The following IGF1R variants were observed in gnomAD, a reference collection of about 807,000 sequenced individuals.
IGF1R encodes the protein insulin like growth factor 1 receptor, also known as insulin-like growth factor 1 receptor.
Under a neutral mutation model 144.6 loss-of-function variants are expected in IGF1R, and 44 were observed. The ratio of observed to expected loss-of-function variants is 0.30; its 90% CI spans 0.24 to 0.39. The LOEUF (loss-of-function observed/expected upper bound fraction) is 0.39. IGF1R is among the 10% of genes least tolerant of loss of function. IGF1R has a pLI of 1.00. For missense variants in IGF1R, 1,355 were observed against 1,833.7 expected (o/e 0.74, Z 4.77); for synonymous variants, 795 against 722.8 (o/e 1.10, Z -1.60).
chr15:98,685,729 C>T (rs1324831118), intron 1 of IGF1R, among the ~76,000 whole-genome samples: 1 of 152,202 alleles, frequency 6.6e-6, no homozygotes, highest in Non-Finnish European at 1.5e-5. Context: ...AGCGTGCTTC[C>T]AGTATTCAGG....
At chr15:98,914,803 C>T (rs371490579) in intron 8 of IGF1R, among the ~76,000 whole-genome samples, 1 of 152,156 alleles carries the variant, frequency 6.6e-6, no homozygotes, top group African/African-American at 2.4e-5. Flanking sequence ...AGAACTTGGT[C>T]CTCTGCCTCT....
At chr15:98,701,497 C>T (rs776103096) in intron 1 of IGF1R, among the ~76,000 whole-genome samples, 17 of 151,960 alleles carry the variant, frequency 1.1e-4, no homozygotes, top group Admixed American at 1.3e-4. Flanking sequence ...CCACCACACC[C>T]GGCTAATTTT....
intron 19 of IGF1R, among the ~76,000 whole-genome samples, chr15:98,945,442 G>A (rs563821951): frequency 6.6e-6 from 1 of 152,272 alleles, no homozygotes; most frequent in South Asian, 2.1e-4. Context: ...CTTCCCCCTG[G>A]GGAAACAACG....
rs368518102 is a variant in IGF1R, at chr15:98,948,671, G to A, written c.3685G>A (p.Gly1229Ser). The change falls in exon 20 of 21, where the codon GGC becomes AGC. Residue 1229 changes from glycine (G) to serine (S), a missense_variant. Gly to Ser is a moderately conservative substitution (Grantham distance 56). This residue lies in a region of IGF1R where 77 missense variants were observed against 163.2 expected (regional missense o/e 0.47). Transcript: ENST00000650285. ...EQVLRFVMEGGLLDKPDNCPD... is the reference protein window; with the variant it reads ...EQVLRFVMEGSLLDKPDNCPD... ...AGTCCTTCGCTTCGTCATGGAGGGCGGCCTTCTGGACAAGCCAGACAACTG... is the reference window on the plus strand; with the variant it reads ...AGTCCTTCGCTTCGTCATGGAGGGCAGCCTTCTGGACAAGCCAGACAACTG... The A allele has an allele frequency of 8.7e-6, 14 of 1,614,036 alleles. 1 individual carries two copies. The highest frequency in any genetic ancestry group is 3.3e-4 in the Middle Eastern group (2 of 6,084).
Position 98,960,153 on chromosome 15 carries a change from C to A in IGF1R, c.*2711C>A. On this transcript the variant is annotated 3_prime_UTR_variant, in exon 21 of 21. Transcript: ENST00000650285. ...GACAATAGGCCGTTGATACTGGTAA[C>A]CTCATCCACGCCACAGGCGCCACAC... The A allele has an allele frequency of 4.3e-6, 1 of 233,738 alleles. No individual in the cohort carries two copies. Among genetic ancestry groups the A allele is most frequent in the Non-Finnish European group, 8.5e-6 (1 of 118,064 alleles). 14.5% of individuals were successfully genotyped at this position (233,738 alleles called of 1,614,324 possible). A position where few individuals can be genotyped will look rare whatever the true frequency, so the allele number is the denominator to read the frequency against.
chr15:98,944,125 G>GT (rs2016465900), intron 19 of IGF1R, among the ~76,000 whole-genome samples: 1 of 152,330 alleles, frequency 6.6e-6, no homozygotes, highest in South Asian at 2.1e-4. Flanking sequence ...GCCTGGGTAT[G>GT]TGCATGCATC....
intron 2 of IGF1R, among the ~76,000 whole-genome samples, chr15:98,834,388 T>A (rs1438676641): frequency 1.3e-5 from 2 of 152,234 alleles, no homozygotes; most frequent in Admixed American, 6.5e-5. Flanking sequence ...CATTAAACAC[T>A]CCAGCTTCAG....
chr15:98,712,532 C>A lies in IGF1R; in HGVS notation c.640+4425C>A, dbSNP rs143718834. ...TCAGCTGTGTTCCTCTGCTCCTCCC[C>A]CTTACAGCAGTGACATAGCCTCTCT... is the stretch of plus-strand genomic sequence containing the variant. On this transcript the variant is annotated intron_variant, in intron 2 of 20. Transcript: ENST00000650285. 1.7e-3 allele frequency among the ~76,000 whole-genome samples: 265 copies of A among 152,236 alleles called. 2 individuals carry two copies. The highest frequency in any genetic ancestry group is 6.0e-3 in the African/African-American group (251 of 41,528).
At position 98,904,048 on chromosome 15, in the gene IGF1R, A is replaced by C. The variant is rs2014607023; in HGVS notation, c.1247+4427A>C. On this transcript the variant is annotated intron_variant, in intron 5 of 20. Coordinates refer to ENST00000650285, the MANE Select transcript of IGF1R (RefSeq NM_000875.5). ...ACGGAAGCTCATGGAATGATGGGTG[A>C]ATTTTTTTTTTTTTTTTTTTTTGAG... is the stretch of plus-strand genomic sequence containing the variant. Among the ~76,000 whole-genome samples the C allele has an allele frequency of 2.5e-5, 3 of 117,754 alleles. No individual in the cohort carries two copies. The South Asian group carries it at 8.2e-4, about 32-fold the overall frequency. The allele number at this position is 117,754 out of a possible 152,430, so 77.3% of individuals were successfully genotyped here.
At chr15:98,870,451 G>T (rs902280966) in intron 2 of IGF1R, among the ~76,000 whole-genome samples, 1 of 152,202 alleles carries the variant, frequency 6.6e-6, no homozygotes, top group Non-Finnish European at 1.5e-5. Context: ...GGTCATTAAG[G>T]CATCTCTAGG....
In IGF1R at chr15:98,663,501, A is replaced by G. The variant is rs558026228; in HGVS notation, c.94+13826A>G. 2.6e-3 allele frequency among the ~76,000 whole-genome samples: 393 copies of G among 152,372 alleles called. 1 individual carries two copies. The highest frequency in any genetic ancestry group is 4.1e-3 in the Non-Finnish European group (282 of 68,042). On this transcript the variant is annotated intron_variant, in intron 1 of 20. Transcript: ENST00000650285. ...AGGGGCATCATGGATACCTGGTAGC[A>G]TCAAGGGCTAGGGTTAAAACCCGTG...
chr15:98,928,271 C>T (rs977294882), intron 13 of IGF1R, among the ~76,000 whole-genome samples: 18 of 152,122 alleles, frequency 1.2e-4, no homozygotes, highest in African/African-American at 3.4e-4. Context: ...TGTGAGTCTG[C>T]CTGGTGTAAA....
chr15:98,758,364 AG>A (rs1176684823), intron 2 of IGF1R, among the ~76,000 whole-genome samples: 5 of 151,936 alleles, frequency 3.3e-5, no homozygotes, highest in African/African-American at 1.2e-4. Context: ...ACCCTCCCTC[AG>A]GCTCCTGCGT....
chr15:98,950,065 C>G (rs2016715341), intron 20 of IGF1R, among the ~76,000 whole-genome samples: 1 of 152,186 alleles, frequency 6.6e-6, no homozygotes. Flanking sequence ...CCACTAGTAT[C>G]TCAAGACCAA....
At chr15:98,766,080 G>T (rs1035386903) in intron 2 of IGF1R, among the ~76,000 whole-genome samples, 2 of 152,160 alleles carry the variant, frequency 1.3e-5, no homozygotes, top group Non-Finnish European at 2.9e-5. Context: ...CATGGGGAAG[G>T]GTGTGGATGA....
rs2017328578 is a variant in IGF1R, at chr15:98,963,998, T to C, written c.*6556T>C. The C allele has an allele frequency of 4.3e-6, 1 of 233,130 alleles. No homozygotes were observed. Among genetic ancestry groups the C allele is most frequent in the Non-Finnish European group, 8.5e-6 (1 of 117,794 alleles). The allele number at this position is 233,130 out of a possible 1,614,324, so 14.4% of individuals were successfully genotyped here. On this transcript the variant is annotated 3_prime_UTR_variant, in exon 21 of 21. Coordinates refer to ENST00000650285, the MANE Select transcript of IGF1R (RefSeq NM_000875.5). ...TGTTTTCAACTTTTCATTTGGATGT[T>C]TGGCGTTGCACACACACATCCACCG...
Position 98,891,531 on chromosome 15 carries a change from G to A in IGF1R, c.847G>A (p.Ala283Thr), listed in dbSNP as rs746040080. 5.0e-6 allele frequency: 8 copies of A among 1,612,804 alleles called. No individual in the cohort carries two copies. Residue 283 changes from alanine (A) to threonine (T), a missense_variant, in exon 3 of 21, where the codon GCC becomes ACC. Ala to Thr is a moderately conservative substitution (Grantham distance 58, BLOSUM62 0). Around this residue, in one of 7 missense-constraint regions of IGF1R, gnomAD observed 880 missense variants for 1,202.7 expected, o/e 0.73. Coordinates refer to ENST00000650285, the MANE Select transcript of IGF1R (RefSeq NM_000875.5). The surrounding 1 kb of genome is among the most constrained non-coding windows in gnomAD (Gnocchi z 4.7). ...GWRCVDRDFC[A>T]NILSAESSDS... is the part of the protein sequence containing the mutation. ...GCGCTGTGTGGACCGTGACTTCTGC[G>A]CCAACATCCTCAGCGCCGAGAGCAG... is the stretch of plus-strand genomic sequence containing the variant.
chr15:98,803,801 T>A (rs573870303), intron 2 of IGF1R, among the ~76,000 whole-genome samples: 2 of 152,280 alleles, frequency 1.3e-5, no homozygotes, highest in East Asian at 3.9e-4. Context: ...CCACGGCGCC[T>A]GGCCACAGTT....
intron 2 of IGF1R, among the ~76,000 whole-genome samples, chr15:98,875,668 T>G (rs2013026401): frequency 6.6e-6 from 1 of 152,184 alleles, no homozygotes; most frequent in South Asian, 2.1e-4. Flanking sequence ...AAGTGTTAAG[T>G]TCCTTCATCT....
Sources: allele counts gnomAD v4.1 joint callset (sites outside exome capture counted in the v4.1 genomes callset), GRCh38; gene constraint gnomAD v4.1.1; regional missense constraint gnomAD v4.1.1; non-coding constraint Gnocchi (gnomAD v3.1); transcripts MANE v1.5; gene names NCBI Gene and HGNC (gene_info 2026-07-23, HGNC 2026-07-21).